ANO1: variants seen among roughly 807,000 people sequenced by gnomAD.
The protein encoded by ANO1 is anoctamin-1.
Under a neutral mutation model 124.0 loss-of-function variants are expected in ANO1, and 59 were observed. The observed-to-expected ratio is 0.48, with a 90% CI of 0.39 to 0.59. The LOEUF (loss-of-function observed/expected upper bound fraction) is 0.59, where lower values mean the gene tolerates loss of function less well. Among genes scored for constraint, ANO1 ranks in the 20% least tolerant of loss-of-function variants. The pLI is 0.00. For missense variants in ANO1, 1,059 were observed against 1,328.0 expected (o/e 0.80, Z 3.15); for synonymous variants, 529 against 532.0 (o/e 0.99, Z 0.08).
intron 21 of ANO1, among the ~76,000 whole-genome samples, chr11:70,169,562 G>C (rs1233422409): frequency 6.6e-6 from 1 of 151,404 alleles, no homozygotes; most frequent in East Asian, 1.9e-4. Context: ...AGCCCACCCT[G>C]CTGAGTGACC....
chr11:70,002,879 G>A (rs1856412750), intron 1 of ANO1, among the ~76,000 whole-genome samples: 1 of 151,956 alleles, frequency 6.6e-6, no homozygotes, highest in Non-Finnish European at 1.5e-5. Flanking sequence ...AAAGATCTGA[G>A]TGCAAAAAAC....
intron 1 of ANO1, among the ~76,000 whole-genome samples, chr11:70,052,727 G>T (rs947500839): frequency 1.3e-5 from 2 of 151,314 alleles, no homozygotes; most frequent in African/African-American, 4.9e-5. Context: ...CAATTTTTTT[G>T]TATTTTTAGT....
upstream of ANO1, among the ~76,000 whole-genome samples, chr11:70,076,137 G>T (rs1355399449): frequency 6.6e-6 from 1 of 152,224 alleles, no homozygotes; most frequent in African/African-American, 2.4e-5. Context: ...AGAATGTGGG[G>T]ATACTGGAGA....
chr11:70,149,662 A>G, intron 11 of ANO1, 48 bp from the exon 12 acceptor site: 1 of 1,563,148 alleles, frequency 6.4e-7, no homozygotes, highest in Non-Finnish European at 8.7e-7. Flanking sequence ...AAAAAAAAAA[A>G]AAATGCCTTT....
intron 11 of ANO1, among the ~76,000 whole-genome samples, chr11:70,140,097 G>A (rs1236220090): frequency 6.6e-6 from 1 of 152,232 alleles, no homozygotes; most frequent in Non-Finnish European, 1.5e-5. Context: ...CCAAGGCTCT[G>A]TTCTTTTCTC....
chr11:70,027,720 G>A (rs1027564166), intron 1 of ANO1, among the ~76,000 whole-genome samples: 2 of 152,224 alleles, frequency 1.3e-5, no homozygotes, highest in South Asian at 4.1e-4. Context: ...TTGTGGCCAC[G>A]TGTGCCAGGG....
intron 1 of ANO1, among the ~76,000 whole-genome samples, chr11:69,990,838 G>C (rs1207221503): frequency 6.6e-6 from 1 of 152,100 alleles, no homozygotes; most frequent in Non-Finnish European, 1.5e-5. Flanking sequence ...TTGGATTGTA[G>C]GAGTTTTTAT....
chr11:70,076,829 G>T (rs956045436), upstream of ANO1, among the ~76,000 whole-genome samples: 4 of 152,246 alleles, frequency 2.6e-5, no homozygotes, highest in African/African-American at 9.6e-5. Flanking sequence ...GTGCCTAAAT[G>T]GGAGAGTCTC....
upstream of ANO1, among the ~76,000 whole-genome samples, chr11:69,981,081 G>A (rs1228263462): frequency 1.3e-5 from 2 of 152,144 alleles, no homozygotes; most frequent in African/African-American, 2.4e-5. Flanking sequence ...AATAAATAAA[G>A]AGTGACCTAG....
chr11:70,155,039 C>T (rs889466608), intron 14 of ANO1, among the ~76,000 whole-genome samples: 1 of 152,224 alleles, frequency 6.6e-6, no homozygotes, highest in African/African-American at 2.4e-5. Flanking sequence ...TCCCGGCCCC[C>T]AAGCCTGGGT....
chr11:69,982,786 G>A (rs556070742), upstream of ANO1, among the ~76,000 whole-genome samples: 23 of 152,248 alleles, frequency 1.5e-4, no homozygotes, highest in African/African-American at 4.1e-4. Flanking sequence ...CTCCCTTTGC[G>A]CCTCCCATTC....
At chr11:70,094,325 C>A (rs926911721) in intron 2 of ANO1, among the ~76,000 whole-genome samples, 3 of 152,198 alleles carry the variant, frequency 2.0e-5, no homozygotes, top group Non-Finnish European at 2.9e-5. Context: ...TGCCATTTCC[C>A]ATGGAGGCCT....
At chr11:70,017,956 C>T (rs1220293212) in intron 1 of ANO1, among the ~76,000 whole-genome samples, 1 of 152,158 alleles carries the variant, frequency 6.6e-6, no homozygotes, top group Non-Finnish European at 1.5e-5. Context: ...GAGTTTTCCT[C>T]AATCCCCTCC....
intron 20 of ANO1, among the ~76,000 whole-genome samples, 164 bp downstream of exon 20, chr11:70,165,734 C>T (rs1251191182): frequency 6.6e-6 from 1 of 152,078 alleles, no homozygotes; most frequent in African/African-American, 2.4e-5. Flanking sequence ...GCAAAAGCCA[C>T]CCCAGGCCAG....
At chr11:69,966,073 A>G in the ANO1 span, among the ~76,000 whole-genome samples, 1 of 152,156 alleles carries the variant, frequency 6.6e-6, no homozygotes, top group Non-Finnish European at 1.5e-5. Flanking sequence ...TCCAAAAAAA[A>G]AGGAGGTTAA....
At chr11:70,012,308 A>G (rs1856610842) in intron 1 of ANO1, among the ~76,000 whole-genome samples, 1 of 151,512 alleles carries the variant, frequency 6.6e-6, no homozygotes. Context: ...CCATTGTTCC[A>G]TCTATCTATC....
intron 1 of ANO1, among the ~76,000 whole-genome samples, chr11:70,050,390 C>T (rs556474388): frequency 6.6e-6 from 1 of 152,320 alleles, no homozygotes; most frequent in East Asian, 1.9e-4. Flanking sequence ...TACTTAGTAC[C>T]TGGTCACACC....
intron 1 of ANO1, among the ~76,000 whole-genome samples, chr11:70,032,353 G>A (rs1486519563): frequency 3.3e-5 from 5 of 152,164 alleles, no homozygotes; most frequent in African/African-American, 9.7e-5. Context: ...GTCGGGGAGA[G>A]GCGGGTGCAG....
At chr11:69,982,063 G>A (rs782198951), upstream of ANO1, among the ~76,000 whole-genome samples, 4 of 152,134 alleles carry the variant, frequency 2.6e-5, no homozygotes, top group East Asian at 1.9e-4. Context: ...TAGCGGGTTC[G>A]AGCTGTACTC....
Sources: gnomAD v4.1 joint callset for allele counts (sites outside exome capture counted in the v4.1 genomes callset) on GRCh38, gnomAD v4.1.1 for gene constraint, MANE v1.5 for transcripts, NCBI Gene and HGNC (gene_info 2026-07-23, HGNC 2026-07-21) for gene names.